Variants in ZNF175 observed in about 807,000 individuals in gnomAD.
ZNF175 encodes zinc finger protein OTK18.
ZNF175 carries 8 observed loss-of-function variants against 14.0 expected under a neutral mutation model. The ratio of observed to expected loss-of-function variants is 0.57; its 90% confidence interval spans 0.34 to 1.03. The LOEUF is 1.03. Ranked by LOEUF, ZNF175 falls within the 50% of genes least tolerant of loss-of-function variation. The pLI is 0.03. For synonymous variants in ZNF175, 255 were observed against 296.8 expected (o/e 0.86, Z 1.45); for missense variants, 764 against 849.5 (o/e 0.90, Z 1.25).
intron 2 of ZNF175, among the ~76,000 whole-genome samples, chr19:51,577,138 A>T (rs572516390): frequency 6.6e-6 from 1 of 152,350 alleles, no homozygotes; most frequent in East Asian, 1.9e-4. Context: ...TGAAAATGTC[A>T]CGCCAAAAAG....
rs1530877 is a variant in ZNF175, at chr19:51,588,834, A to G, written c.*367A>G. 33,687 of 405,154 alleles carry G rather than the reference A, an allele frequency of 0.083. 1,716 individuals are homozygous for G. The highest frequency in any genetic ancestry group is 0.15 in the Middle Eastern group (242 of 1,598). The allele number at this position is 405,154 out of a possible 1,614,324, so 25.1% of individuals were successfully genotyped here. Reference sequence around the variant, plus strand: ...ATATGTGGGAAATTATATCAATGATAACCCTGTTTATTGTGGGATATCAAT... The same window carrying G: ...ATATGTGGGAAATTATATCAATGATGACCCTGTTTATTGTGGGATATCAAT... On this transcript the variant is annotated 3_prime_UTR_variant, in exon 5 of 5. Transcript: ENST00000262259.
chr19:51,582,960 A>G (rs1239229867), intron 4 of ZNF175, among the ~76,000 whole-genome samples: 1 of 151,942 alleles, frequency 6.6e-6, no homozygotes, highest in Non-Finnish European at 1.5e-5. Context: ...GGTTTGAGTG[A>G]TTCTCCTGCC....
chr19:51,583,000 C>T (rs916051428), intron 4 of ZNF175, among the ~76,000 whole-genome samples: 1 of 152,152 alleles, frequency 6.6e-6, no homozygotes, highest in African/African-American at 2.4e-5. Flanking sequence ...TGATTACAGG[C>T]ATGCACCACC....
intron 4 of ZNF175, among the ~76,000 whole-genome samples, chr19:51,583,098 G>T (rs62113342): frequency 6.6e-6 from 1 of 151,990 alleles, no homozygotes; most frequent in Non-Finnish European, 1.5e-5. Flanking sequence ...CAGGTGTTCC[G>T]CCTGGCTTGG....
rs141713805 is a variant in ZNF175 at position 51,587,368 on chromosome 19, A to C, written c.1037A>C (p.Gln346Pro). The change falls in exon 5 of 5, where the codon CAG becomes CCG. Residue 346 changes from glutamine to proline, a missense_variant. Coordinates refer to ENST00000262259, the MANE Select transcript of ZNF175 (RefSeq NM_007147.4). ...AAGGAATGTGGGAAGGTCTTTATTC[A>C]GAGATCAGAATTGCTTACGCACCAG... ...ICKECGKVFI[Q>P]RSELLTHQKT... The C allele has an allele frequency of 2.1e-4, 336 of 1,614,136 alleles. No individual in the cohort carries two copies. The highest frequency in any genetic ancestry group is 7.0e-4 in the South Asian group (64 of 91,072).
intron 4 of ZNF175, among the ~76,000 whole-genome samples, chr19:51,582,519 G>C (rs186813941): frequency 6.6e-6 from 1 of 152,114 alleles, no homozygotes; most frequent in Non-Finnish European, 1.5e-5. Context: ...GGATGGTCTC[G>C]ATCTCCTGAC....
At position 51,581,735 on chromosome 19, in the gene ZNF175, C is replaced by T. The variant is rs74576310; in HGVS notation, c.200-52C>T. ...CCAGTGTAAAGCTTCATTGAATGGC[C>T]TCTAAAACTGAAGAAGCTACACCCA... On this transcript the variant is annotated intron_variant, in intron 3 of 4. Transcript: ENST00000262259. The T allele has an allele frequency of 1.3e-3, 2,057 of 1,595,520 alleles. 26 individuals are homozygous for T. In the African/African-American group the frequency reaches 0.024, roughly 19 times the overall value.
In ZNF175 at chr19:51,588,955, T is replaced by C. The variant is rs1258447932; in HGVS notation, c.*488T>C. 2 of 363,162 alleles carry C rather than the reference T, an allele frequency of 5.5e-6. No homozygotes were observed. Among genetic ancestry groups the C allele is most frequent in the African/African-American group, 4.2e-5 (2 of 48,008 alleles). The allele number at this position is 363,162 out of a possible 1,614,324, so 22.5% of individuals were successfully genotyped here. A position where few individuals can be genotyped will look rare whatever the true frequency, so the allele number is the denominator to read the frequency against. ...GCATATATATAATATATAAGCATAT[T>C]ATTATATACAGGTTGAGTATCCCTT... is the stretch of plus-strand genomic sequence containing the variant. On this transcript the variant is annotated 3_prime_UTR_variant, in exon 5 of 5. Coordinates refer to ENST00000262259, the MANE Select transcript of ZNF175 (RefSeq NM_007147.4).
In ZNF175 at chr19:51,591,915, C is replaced by CCCT. The variant is rs1982360753; in HGVS notation, c.*3450_*3451insTCC. Reference sequence around the variant, plus strand: ...TCCCGAGTAGCTGGGACTACAGGCGCCCACCACCATGCCTGGCTAATTTTT... The same window carrying CCCT: ...TCCCGAGTAGCTGGGACTACAGGCGCCCTCCACCACCATGCCTGGCTAATTTTT... On this transcript the variant is annotated 3_prime_UTR_variant, in exon 5 of 5. Coordinates refer to ENST00000262259, the MANE Select transcript of ZNF175 (RefSeq NM_007147.4). 6.6e-6 allele frequency: 1 copy of CCCT among 151,700 alleles called. No homozygotes were observed. 9.4% of individuals were successfully genotyped at this position (151,700 alleles called of 1,614,324 possible).
At chr19:51,576,402 G>A (rs541587796) in intron 2 of ZNF175, among the ~76,000 whole-genome samples, 32 of 152,126 alleles carry the variant, frequency 2.1e-4, no homozygotes, top group Admixed American at 6.5e-4. Flanking sequence ...CGCCAGCCTC[G>A]GCCTCCCAAA....
rs200741238 is a variant in ZNF175 at position 51,588,243 on chromosome 19, A to G, written c.1912A>G (p.Met638Val). The G allele has an allele frequency of 1.2e-6, 2 of 1,614,124 alleles. No homozygotes were observed. Among genetic ancestry groups the G allele is most frequent in the Non-Finnish European group, 1.7e-6 (2 of 1,179,996 alleles). The change falls in exon 5 of 5, where the codon ATG becomes GTG. Residue 638 changes from methionine to valine, a missense_variant. Transcript: ENST00000262259. ...SELITHQRTH[M>V]GEKPYECLDC... ...GTTGATTACCCATCAAAGAACTCAC[A>G]TGGGAGAGAAACCCTATGAATGCCT...
At chr19:51,584,264 TA>T (rs1389096604) in intron 4 of ZNF175, among the ~76,000 whole-genome samples, 1 of 152,212 alleles carries the variant, frequency 6.6e-6, no homozygotes, top group Non-Finnish European at 1.5e-5. Flanking sequence ...GAATTAATTT[TA>T]AGGGCATAGT....
At position 51,591,053 on chromosome 19, in the gene ZNF175, T is replaced by G. The variant is rs1219856020; in HGVS notation, c.*2586T>G. On this transcript the variant is annotated 3_prime_UTR_variant, in exon 5 of 5. Coordinates refer to ENST00000262259, the MANE Select transcript of ZNF175 (RefSeq NM_007147.4). ...TCCTCATCTCCAGCCACATGTTCAC[T>G]CCTCACGTGGGCCTCCCTAACTGTC... 1 of 152,620 alleles carries G rather than the reference T, an allele frequency of 6.6e-6. No individual in the cohort carries two copies. Among genetic ancestry groups the G allele is most frequent in the Non-Finnish European group, 1.5e-5 (1 of 68,386 alleles). 9.5% of individuals were successfully genotyped at this position (152,620 alleles called of 1,614,324 possible).
chr19:51,584,784 A>T (rs552532194), intron 4 of ZNF175, among the ~76,000 whole-genome samples: 38 of 152,334 alleles, frequency 2.5e-4, no homozygotes, highest in African/African-American at 8.2e-4. Flanking sequence ...CCACTGGGTG[A>T]TATCCCTTTA....
At position 51,588,952 on chromosome 19, in the gene ZNF175, T is replaced by C. The variant is rs1210468948; in HGVS notation, c.*485T>C. The C allele has an allele frequency of 2.7e-6, 1 of 364,260 alleles. No individual in the cohort carries two copies. The highest frequency in any genetic ancestry group is 4.0e-5 in the East Asian group (1 of 24,882). The allele number at this position is 364,260 out of a possible 1,614,324, so 22.6% of individuals were successfully genotyped here. On this transcript the variant is annotated 3_prime_UTR_variant, in exon 5 of 5. Coordinates refer to ENST00000262259, the MANE Select transcript of ZNF175 (RefSeq NM_007147.4). ...TAAGCATATATATAATATATAAGCA[T>C]ATTATTATATACAGGTTGAGTATCC...
chr19:51,576,643 C>G (rs766276678), intron 2 of ZNF175, among the ~76,000 whole-genome samples: 5 of 152,148 alleles, frequency 3.3e-5, no homozygotes, highest in African/African-American at 4.8e-5. Context: ...CTTGAGGAAA[C>G]CTTTCCTATT....
chr19:51,575,229 T>A (rs1048917380), intron 2 of ZNF175, among the ~76,000 whole-genome samples: 5 of 145,138 alleles, frequency 3.4e-5, no homozygotes, highest in African/African-American at 5.1e-5. Flanking sequence ...TTTTTTTTTT[T>A]TTTTTGAGAC....
At chr19:51,581,253 A>G (rs780947045) in intron 2 of ZNF175, 138 bp from the exon 3 acceptor site, 28 of 1,148,962 alleles carry the variant, frequency 2.4e-5, no homozygotes, top group Non-Finnish European at 3.2e-5. Context: ...ATCCCTAAAA[A>G]TGTGAAATAG....
intron 3 of ZNF175, 77 bp downstream of exon 3, chr19:51,581,594 G>A: frequency 6.4e-7 from 1 of 1,557,502 alleles, no homozygotes; most frequent in Non-Finnish European, 8.7e-7. Context: ...AGAACGCAGT[G>A]GGATATCAAA....
Sources: gnomAD v4.1 joint callset for allele counts (sites outside exome capture counted in the v4.1 genomes callset) on GRCh38, gnomAD v4.1.1 for gene constraint, MANE v1.5 for transcripts, NCBI Gene and HGNC (gene_info 2026-07-23, HGNC 2026-07-21) for gene names.